The following DNAH9 variants were observed in gnomAD, a reference collection of about 807,000 sequenced individuals.
DNAH9 encodes DNAH9 variant protein.
DNAH9 carries 345 observed loss-of-function variants against 471.6 expected under a neutral mutation model. The observed-to-expected ratio is 0.73, with a 90% confidence interval of 0.67 to 0.80. DNAH9 has a LOEUF of 0.80. DNAH9 is among the 30% of genes least tolerant of loss of function. DNAH9 has a pLI of 0.00. For synonymous variants in DNAH9, 2,093 were observed against 2,123.6 expected, an observed-to-expected ratio of 0.99 and a Z score of 0.40; for missense variants, 5,407 against 5,609.2, an observed-to-expected ratio of 0.96 and a Z score of 1.15.
chr17:11,959,986 A>T (rs1017224202), intron 67 of DNAH9, among the ~76,000 whole-genome samples: 22 of 152,346 alleles, frequency 1.4e-4, no homozygotes, highest in Non-Finnish European at 2.4e-4. Flanking sequence ...ACCAGACACT[A>T]CAGTCTAGAA....
At chr17:11,625,101 G>A (rs2072946283) in intron 6 of DNAH9, among the ~76,000 whole-genome samples, 1 of 151,608 alleles carries the variant, frequency 6.6e-6, no homozygotes, top group Non-Finnish European at 1.5e-5. Flanking sequence ...CACACACCGA[G>A]TTCATTTTTG....
chr17:11,620,036 C>A (rs780529722), intron 6 of DNAH9: 4 of 473,694 alleles, frequency 8.4e-6, no homozygotes, highest in Non-Finnish European at 1.5e-5. Context: ...CATGGCAAAA[C>A]GCCTTCTCTA....
intron 45 of DNAH9, among the ~76,000 whole-genome samples, chr17:11,819,602 G>A (rs979135281): frequency 2.0e-5 from 3 of 151,950 alleles, no homozygotes; most frequent in Non-Finnish European, 2.9e-5. Flanking sequence ...AGCAGGTCTC[G>A]AACTCCTGAC....
intron 15 of DNAH9, among the ~76,000 whole-genome samples, 155 bp downstream of exon 15, chr17:11,665,123 G>A (rs1362660005): frequency 2.6e-5 from 4 of 152,188 alleles, no homozygotes; most frequent in Non-Finnish European, 5.9e-5. Flanking sequence ...AAAAGGTATC[G>A]AACTTCTAAA....
chr17:11,797,537 C>G, intron 42 of DNAH9, 60 bp from the exon 43 acceptor site: 2 of 1,437,570 alleles, frequency 1.4e-6, no homozygotes, highest in African/African-American at 1.4e-5. Flanking sequence ...TGTCTCTGCT[C>G]TGTGGAACCA....
At chr17:11,644,325 G>C (rs1351049161) in intron 10 of DNAH9, among the ~76,000 whole-genome samples, 3 of 152,096 alleles carry the variant, frequency 2.0e-5, no homozygotes, top group South Asian at 2.1e-4. Context: ...CTTTTATTCA[G>C]ATTTTTGAAG....
chr17:11,938,892 C>G (rs968418110), intron 66 of DNAH9, among the ~76,000 whole-genome samples: 3 of 152,166 alleles, frequency 2.0e-5, no homozygotes, highest in African/African-American at 7.2e-5. Context: ...AGCCACTGCA[C>G]CCGGTCCTAG....
chr17:11,923,350 G>A (rs1327070257), intron 61 of DNAH9, among the ~76,000 whole-genome samples: 2 of 151,352 alleles, frequency 1.3e-5, no homozygotes, highest in East Asian at 1.9e-4. Context: ...AAAGTGCTGG[G>A]ATTACAGGAG....
At chr17:11,884,534 G>C (rs1435415866) in intron 56 of DNAH9, 3 of 456,018 alleles carry the variant, frequency 6.6e-6, no homozygotes, top group South Asian at 1.6e-5. Context: ...CTTATTGCCA[G>C]ATTATTGGGA....
intron 1 of DNAH9, among the ~76,000 whole-genome samples, chr17:11,599,196 T>C (rs936026272): frequency 1.5e-4 from 23 of 151,968 alleles, no homozygotes; most frequent in Middle Eastern, 3.4e-3. Flanking sequence ...GGGAAGGAGC[T>C]GAGGCTTGGG....
chr17:11,815,407 G>A (rs1407737745), intron 45 of DNAH9, among the ~76,000 whole-genome samples: 2 of 151,874 alleles, frequency 1.3e-5, no homozygotes, highest in Admixed American at 6.6e-5. Context: ...CTTGACAAAC[G>A]CCAACACTCC....
chr17:11,797,596 G>T lies in DNAH9; in HGVS notation c.8224-1G>T. The T allele has an allele frequency of 6.2e-7, 1 of 1,609,880 alleles. No homozygotes were observed. On this transcript the variant is annotated splice_acceptor_variant, in intron 42 of 68. Transcript: ENST00000262442. LOFTEE classifies it high-confidence loss of function. Reference sequence around the variant, plus strand: ...CCCTTATTCCTGTGTCTCATCACCAGGATATTGAAGACCCTGTGGAGCAGA... The same window carrying T: ...CCCTTATTCCTGTGTCTCATCACCATGATATTGAAGACCCTGTGGAGCAGA...
intron 22 of DNAH9, among the ~76,000 whole-genome samples, chr17:11,697,992 A>G (rs1047740323): frequency 6.0e-5 from 9 of 149,464 alleles, no homozygotes; most frequent in Non-Finnish European, 1.0e-4. Context: ...GGTTTAAAAA[A>G]TGTTATATAC....
At chr17:11,668,934 A>T in intron 15 of DNAH9, 130 bp from the exon 16 acceptor site, 1 of 670,618 alleles carries the variant, frequency 1.5e-6, no homozygotes, top group Non-Finnish European at 2.5e-6. Flanking sequence ...AAAATTTTAC[A>T]TTTCCGTTTC....
At chr17:11,946,451 C>T (rs1178730310) in intron 67 of DNAH9, among the ~76,000 whole-genome samples, 3 of 151,534 alleles carry the variant, frequency 2.0e-5, no homozygotes, top group Admixed American at 2.0e-4. Flanking sequence ...ATCACAAGGT[C>T]AGGAGTTTGA....
chr17:11,932,166 T>C lies in DNAH9; in HGVS notation c.12258T>C (p.Ser4086=). The stretch of plus-strand genomic sequence containing the variant: ...TTAACACTGGAGACCTCACTATCTC[T>C]GTGAATGTCCTCTACAACTTCCTGG... ...YPFNTGDLTI[S]VNVLYNFLEA... The change falls in exon 64 of 69, where the codon TCT becomes TCC. Residue 4086 remains serine, a synonymous_variant. Coordinates refer to ENST00000262442, the MANE Select transcript of DNAH9 (RefSeq NM_001372.4). The surrounding 1 kb of genome is among the most constrained non-coding windows in gnomAD (Gnocchi z 4.3). 6.2e-7 allele frequency: 1 copy of C among 1,614,098 alleles called. No individual in the cohort carries two copies. Among genetic ancestry groups the C allele is most frequent in the Non-Finnish European group, 8.5e-7 (1 of 1,180,010 alleles).
At chr17:11,848,788 A>G (rs185003178) in intron 49 of DNAH9, among the ~76,000 whole-genome samples, 191 of 151,324 alleles carry the variant, frequency 1.3e-3, no homozygotes, top group African/African-American at 4.3e-3. Context: ...GATTGTCCAT[A>G]TACAGACTTT....
chr17:11,762,770 G>GTTTTTTTTTTT lies in DNAH9; in HGVS notation c.6996-653_6996-643dup, dbSNP rs563544881. Among the ~76,000 whole-genome samples the GTTTTTTTTTTT allele has an allele frequency of 4.4e-3, 402 of 90,736 alleles. 36 individuals carry two copies. Among genetic ancestry groups the GTTTTTTTTTTT allele is most frequent in the Non-Finnish European group, 6.4e-3 (294 of 45,740 alleles). 59.5% of individuals were successfully genotyped at this position (90,736 alleles called of 152,430 possible). A position where few individuals can be genotyped will look rare whatever the true frequency, so the allele number is the denominator to read the frequency against. On this transcript the variant is annotated intron_variant, in intron 35 of 68. Coordinates refer to ENST00000262442, the MANE Select transcript of DNAH9 (RefSeq NM_001372.4). ...CCTCTTTAGGTGCGTTTTTTTTTTT[G>GTTTTTTTTTTT]TTTTTTTTTTTTTTTTTTTTTTTTT...
chr17:11,917,643 C>G (rs547010135), intron 61 of DNAH9, among the ~76,000 whole-genome samples: 1 of 152,318 alleles, frequency 6.6e-6, no homozygotes, highest in Non-Finnish European at 1.5e-5. Flanking sequence ...CTACTTCCCC[C>G]TTGTTCTCAA....
Sources: allele counts gnomAD v4.1 joint callset (sites outside exome capture counted in the v4.1 genomes callset), GRCh38; gene constraint gnomAD v4.1.1; non-coding constraint Gnocchi (gnomAD v3.1); transcripts MANE v1.5; gene names NCBI Gene and HGNC (gene_info 2026-07-23, HGNC 2026-07-21).